PDE3A: variants seen among roughly 807,000 people sequenced by gnomAD.
The protein encoded by PDE3A is cGMP-inhibited 3',5'-cyclic phosphodiesterase 3A.
In PDE3A, 43 loss-of-function variants were observed where a neutral mutation model predicts 98.3. That is an observed-to-expected ratio of 0.44 (90% confidence interval 0.34 to 0.56). PDE3A has a LOEUF of 0.56. PDE3A is among the 20% of genes least tolerant of loss of function. The probability of loss-of-function intolerance (pLI) is 0.01; values close to 1 mark genes in which losing one functional copy is unlikely to be tolerated. For synonymous variants in PDE3A, 663 were observed against 567.9 expected (o/e 1.17, Z -2.38); for missense variants, 1,427 against 1,440.7 (o/e 0.99, Z 0.15).
chr12:20,447,946 G>T (rs1944985576), intron 1 of PDE3A, among the ~76,000 whole-genome samples: 1 of 152,136 alleles, frequency 6.6e-6, no homozygotes, highest in South Asian at 2.1e-4. Flanking sequence ...CTCAGCTGGT[G>T]TCTGTTGAAG....
rs769598729 is a variant in PDE3A, at chr12:20,369,240, C to T, written c.-45C>T. ...GCGCGCGCGTGGGTCGGGGCGGGGG[C>T]GTCGGGGGGCCACTGGGAATTCAGT... On this transcript the variant is annotated 5_prime_UTR_variant, in exon 1 of 16. Transcript: ENST00000359062. The T allele has an allele frequency of 7.2e-7, 1 of 1,397,538 alleles. No homozygotes were observed. Among genetic ancestry groups the T allele is most frequent in the Non-Finnish European group, 9.6e-7 (1 of 1,046,882 alleles). The allele number at this position is 1,397,538 out of a possible 1,614,324, so 86.6% of individuals were successfully genotyped here. A position where few individuals can be genotyped will look rare whatever the true frequency, so the allele number is the denominator to read the frequency against.
intron 1 of PDE3A, among the ~76,000 whole-genome samples, chr12:20,395,466 T>C: frequency 7.2e-6 from 1 of 137,938 alleles, no homozygotes; most frequent in African/African-American, 2.8e-5. Context: ...GTATTATATA[T>C]GTATACTATG....
intron 7 of PDE3A, 109 bp from the exon 8 acceptor site, chr12:20,634,793 T>A: frequency 1.3e-6 from 1 of 748,078 alleles, no homozygotes; most frequent in Non-Finnish European, 2.4e-6. Flanking sequence ...AGGAAAGCAG[T>A]ATTTCCCTAA....
chr12:20,539,464 A>C (rs1941839963), intron 1 of PDE3A, among the ~76,000 whole-genome samples: 1 of 152,162 alleles, frequency 6.6e-6, no homozygotes, highest in South Asian at 2.1e-4. Context: ...TGAAATAATT[A>C]CACAAGGTTA....
intron 1 of PDE3A, among the ~76,000 whole-genome samples, chr12:20,434,514 C>T (rs186515621): frequency 6.6e-6 from 1 of 152,268 alleles, no homozygotes; most frequent in Admixed American, 6.5e-5. Context: ...CAGGACCAGG[C>T]AGGTGTGAGG....
At chr12:20,391,458 G>A (rs145576893) in intron 1 of PDE3A, among the ~76,000 whole-genome samples, 1 of 149,466 alleles carries the variant, frequency 6.7e-6, no homozygotes, top group African/African-American at 2.5e-5. Context: ...CTGGATCAAG[G>A]GTCCGGAAGT....
chr12:20,370,784 A>G (rs1330051158), intron 1 of PDE3A, among the ~76,000 whole-genome samples: 2 of 152,110 alleles, frequency 1.3e-5, no homozygotes, highest in Non-Finnish European at 2.9e-5. Flanking sequence ...ATTGATACAC[A>G]TTTTCTGGTT....
intron 1 of PDE3A, among the ~76,000 whole-genome samples, chr12:20,507,174 G>C (rs895586562): frequency 9.9e-5 from 15 of 151,712 alleles, no homozygotes; most frequent in African/African-American, 3.6e-4. Flanking sequence ...TGTTTGTATT[G>C]GACCTTTGAG....
chr12:20,609,941 C>CTTAT (rs1943806574), intron 2 of PDE3A, among the ~76,000 whole-genome samples: 2 of 151,670 alleles, frequency 1.3e-5, no homozygotes, highest in Non-Finnish European at 2.9e-5. Flanking sequence ...AACCGTGAAA[C>CTTAT]TTATAGAAGA....
At chr12:20,478,722 CAA>C (rs1481892599) in intron 1 of PDE3A, among the ~76,000 whole-genome samples, 1 of 152,074 alleles carries the variant, frequency 6.6e-6, no homozygotes, top group Non-Finnish European at 1.5e-5. Context: ...ATAATCAGGA[CAA>C]GTGTTAATAT....
chr12:20,455,750 T>G (rs1945142215), intron 1 of PDE3A, among the ~76,000 whole-genome samples: 1 of 152,160 alleles, frequency 6.6e-6, no homozygotes, highest in South Asian at 2.1e-4. Flanking sequence ...TCTCTCCTTT[T>G]CTTTTGTAGC....
intron 1 of PDE3A, among the ~76,000 whole-genome samples, chr12:20,400,190 T>C (rs1413278959): frequency 6.6e-6 from 1 of 152,020 alleles, no homozygotes; most frequent in Non-Finnish European, 1.5e-5. Context: ...TGTGTTCTGG[T>C]GCATGTCCGA....
intron 1 of PDE3A, among the ~76,000 whole-genome samples, chr12:20,374,189 G>T (rs771622870): frequency 6.6e-6 from 1 of 151,978 alleles, no homozygotes; most frequent in African/African-American, 2.4e-5. Context: ...CCTTGGGAAA[G>T]GTGAAGGAAA....
Position 20,646,968 on chromosome 12 carries a change from G to T in PDE3A, c.2565+18G>T, listed in dbSNP as rs2121515558. ...CTCCTCAGGTAAATCTTTAGATTTT[G>T]GTTAGGAGAACTAATTTAAAGATTT... is the stretch of plus-strand genomic sequence containing the variant. On this transcript the variant is annotated intron_variant, in intron 12 of 15. Transcript: ENST00000359062. 6.4e-7 allele frequency: 1 copy of T among 1,562,794 alleles called. No individual in the cohort carries two copies. Among genetic ancestry groups the T allele is most frequent in the Non-Finnish European group, 8.8e-7 (1 of 1,134,512 alleles).
At position 20,541,802 on chromosome 12, in the gene PDE3A, C is replaced by G. The variant is rs567214608; in HGVS notation, c.961-14858C>G. Among the ~76,000 whole-genome samples the G allele has an allele frequency of 6.6e-5, 10 of 152,108 alleles. No homozygotes were observed. The South Asian group carries it at 1.9e-3, about 28-fold the overall frequency. On this transcript the variant is annotated intron_variant, in intron 1 of 15. Transcript: ENST00000359062. ...TTCAACATATCAAATGGGTCATGGA[C>G]CCGTGAAGAATTGAGGGGGAAGGTC...
At chr12:20,541,936 T>A (rs888002843) in intron 1 of PDE3A, among the ~76,000 whole-genome samples, 1 of 152,108 alleles carries the variant, frequency 6.6e-6, no homozygotes, top group African/African-American at 2.4e-5. Flanking sequence ...AATGCACATG[T>A]CTTGTTAAAA....
intron 1 of PDE3A, among the ~76,000 whole-genome samples, chr12:20,545,752 G>A (rs942467711): frequency 2.8e-5 from 4 of 141,822 alleles, no homozygotes; most frequent in African/African-American, 5.1e-5. Flanking sequence ...TACCCCAAGA[G>A]TAAAGGGCAA....
chr12:20,411,941 A>G (rs894884251), intron 1 of PDE3A, among the ~76,000 whole-genome samples: 1 of 88,678 alleles, frequency 1.1e-5, no homozygotes, highest in Non-Finnish European at 2.8e-5. Flanking sequence ...ATAGTCATTT[A>G]ATTTTCTCAG....
chr12:20,686,144 C>A lies in PDE3A; in HGVS notation c.*5873C>A, dbSNP rs924197789. Among the ~76,000 whole-genome samples, 4 of 151,910 alleles carry A rather than the reference C, an allele frequency of 2.6e-5. No homozygotes were observed. Among genetic ancestry groups the A allele is most frequent in the African/African-American group, 9.7e-5 (4 of 41,376 alleles). On this transcript the variant is annotated 3_prime_UTR_variant, in exon 16 of 16. Transcript: ENST00000359062. ...AGAAAACTAGAAAGAAGGTTTAATT[C>A]TTTTTCTAATATTCTACAAGCCTCA...
Sources: allele counts gnomAD v4.1 joint callset (sites outside exome capture counted in the v4.1 genomes callset), GRCh38; gene constraint gnomAD v4.1.1; transcripts MANE v1.5; gene names NCBI Gene and HGNC (gene_info 2026-07-23, HGNC 2026-07-21).